The following MEF2C variants were observed in gnomAD, a reference collection of about 807,000 sequenced individuals.
The protein encoded by MEF2C is myocyte-specific enhancer factor 2C.
MEF2C carries 6 observed loss-of-function variants against 50.5 expected under a neutral mutation model. That is an observed-to-expected ratio of 0.12 (90% confidence interval 0.07 to 0.23). MEF2C has a LOEUF of 0.23. MEF2C is among the 10% of genes least tolerant of loss of function. MEF2C has a pLI of 1.00. For synonymous variants in MEF2C, 183 were observed against 228.0 expected, an observed-to-expected ratio of 0.80 and a Z score of 1.78; for missense variants, 276 against 605.0, an observed-to-expected ratio of 0.46 and a Z score of 5.70.
In MEF2C at chr5:88,808,081, T is replaced by C. The variant is rs114732407; in HGVS notation, c.55-3280A>G. On this transcript the variant is annotated intron_variant, in intron 2 of 10. Transcript: ENST00000504921. ...TCTGTTTTATGCAGATGAGTCATAA[T>C]TGATATTAAGGATGGGCTGAAAACC... 2.6e-3 allele frequency among the ~76,000 whole-genome samples: 398 copies of C among 152,290 alleles called. 3 individuals carry two copies. Among genetic ancestry groups the C allele is most frequent in the African/African-American group, 9.0e-3 (372 of 41,556 alleles).
chr5:88,806,878 G>T (rs535767430), intron 2 of MEF2C, among the ~76,000 whole-genome samples: 7 of 151,884 alleles, frequency 4.6e-5, no homozygotes, highest in Non-Finnish European at 1.0e-4. Context: ...TTTTTATTTT[G>T]CTCACTACTT....
intron 2 of MEF2C, among the ~76,000 whole-genome samples, chr5:88,811,352 G>A (rs942917566): frequency 2.0e-5 from 3 of 152,098 alleles, no homozygotes; most frequent in African/African-American, 7.2e-5. Flanking sequence ...TCAAAACAAG[G>A]GAAAATCTAG....
chr5:88,823,471 C>T (rs1157118065), intron 2 of MEF2C, among the ~76,000 whole-genome samples: 31 of 151,872 alleles, frequency 2.0e-4, no homozygotes, highest in Non-Finnish European at 1.5e-5. Context: ...CTATTCATGT[C>T]ACACAACTAC....
chr5:88,786,496 C>T (rs1182212112), intron 3 of MEF2C, among the ~76,000 whole-genome samples: 5 of 152,072 alleles, frequency 3.3e-5, no homozygotes, highest in Admixed American at 6.5e-5. Flanking sequence ...GTTAAACTAA[C>T]GATGTGGGAT....
At chr5:88,737,922 T>C (rs1050495374) in intron 6 of MEF2C, 1 of 985,210 alleles carries the variant, frequency 1.0e-6, no homozygotes, top group African/African-American at 1.7e-5. Flanking sequence ...ATTAAATTTG[T>C]GTTAGGAAAG....
chr5:88,864,718 GTAGT>G (rs1826696703), intron 1 of MEF2C, among the ~76,000 whole-genome samples: 2 of 151,704 alleles, frequency 1.3e-5, no homozygotes, highest in Non-Finnish European at 2.9e-5. Flanking sequence ...AGTTTCCCAA[GTAGT>G]TAGGACAACA....
At chr5:88,751,711 G>A in intron 5 of MEF2C, 146 bp downstream of exon 5, 2 of 1,070,314 alleles carry the variant, frequency 1.9e-6, no homozygotes, top group Non-Finnish European at 2.7e-6. Flanking sequence ...CTATCATGCA[G>A]GAGACCTAGC....
chr5:88,773,767 C>A (rs1384998016), intron 3 of MEF2C, among the ~76,000 whole-genome samples: 1 of 152,196 alleles, frequency 6.6e-6, no homozygotes, highest in African/African-American at 2.4e-5. Context: ...AAAACCAAAC[C>A]TCTCTCGCGT....
chr5:88,796,088 G>C (rs1194895181), intron 3 of MEF2C, among the ~76,000 whole-genome samples: 1 of 152,158 alleles, frequency 6.6e-6, no homozygotes, highest in Admixed American at 6.5e-5. Flanking sequence ...AGGGATATTG[G>C]TCTGAAATTT....
intron 1 of MEF2C, among the ~76,000 whole-genome samples, chr5:88,828,409 C>A (rs1159126993): frequency 6.6e-6 from 1 of 151,888 alleles, no homozygotes; most frequent in Non-Finnish European, 1.5e-5. Context: ...TTCCGGTTTT[C>A]TTTGATTCAT....
rs1422548272 is a variant in MEF2C, at chr5:88,718,003, A to T, written c.*4601T>A. ...TTTGATAAAGAAGTTGAACCATTCA[A>T]TAAGAACCTTAGACTTCCACCACTG... On this transcript the variant is annotated 3_prime_UTR_variant, in exon 11 of 11. Coordinates refer to ENST00000504921, the MANE Select transcript of MEF2C (RefSeq NM_002397.5). 6.6e-6 allele frequency: 1 copy of T among 152,214 alleles called. No individual in the cohort carries two copies. The highest frequency in any genetic ancestry group is 2.4e-5 in the African/African-American group (1 of 41,444). 9.4% of individuals were successfully genotyped at this position (152,214 alleles called of 1,614,324 possible).
chr5:88,780,820 A>C (rs1787619296), intron 3 of MEF2C: 1 of 985,266 alleles, frequency 1.0e-6, no homozygotes, highest in Non-Finnish European at 1.2e-6. Flanking sequence ...ATTGTCTTGA[A>C]ATCTCAATCA....
chr5:88,865,731 A>G (rs1380966214), intron 1 of MEF2C, among the ~76,000 whole-genome samples: 1 of 152,202 alleles, frequency 6.6e-6, no homozygotes, highest in Non-Finnish European at 1.5e-5. Context: ...TGGAAAGAGA[A>G]GAATGAACAC....
intron 7 of MEF2C, chr5:88,731,505 T>A (rs1761583893): frequency 6.4e-6 from 3 of 467,996 alleles, no homozygotes; most frequent in South Asian, 2.5e-5. Context: ...ATCAGCCTAG[T>A]GAAGTTCACC....
chr5:88,810,474 A>T (rs1313617691), intron 2 of MEF2C, among the ~76,000 whole-genome samples: 1 of 152,132 alleles, frequency 6.6e-6, no homozygotes, highest in Non-Finnish European at 1.5e-5. Flanking sequence ...TTAATTTTAC[A>T]ATCACAGGAT....
chr5:88,749,616 C>T (rs1771649152), intron 5 of MEF2C: 2 of 466,892 alleles, frequency 4.3e-6, no homozygotes, highest in Non-Finnish European at 5.6e-6. Flanking sequence ...AAATTTTTCA[C>T]CGGCCACAGA....
At chr5:88,879,382 T>TTA (rs3047819) in intron 1 of MEF2C, among the ~76,000 whole-genome samples, 30 of 148,560 alleles carry the variant, frequency 2.0e-4, no homozygotes, top group Admixed American at 3.4e-4. Context: ...AATATATATA[T>TTA]TATATATATA....
chr5:88,838,715 C>T (rs1816134904), intron 1 of MEF2C: 2 of 985,300 alleles, frequency 2.0e-6, no homozygotes. Flanking sequence ...TACCCTCCTC[C>T]CCTTGCCACT....
intron 1 of MEF2C, among the ~76,000 whole-genome samples, chr5:88,859,129 A>C (rs532061000): frequency 6.6e-6 from 1 of 152,228 alleles, no homozygotes; most frequent in Non-Finnish European, 1.5e-5. Flanking sequence ...TAAAATTGTT[A>C]TTAAGAGTGT....
Sources: allele counts gnomAD v4.1 joint callset (sites outside exome capture counted in the v4.1 genomes callset), GRCh38; gene constraint gnomAD v4.1.1; transcripts MANE v1.5; gene names NCBI Gene and HGNC (gene_info 2026-07-23, HGNC 2026-07-21).